LDLRAD4: variants seen among roughly 807,000 people sequenced by gnomAD.
LDLRAD4 encodes the protein low density lipoprotein receptor class A domain containing 4.
LDLRAD4 carries 5 observed loss-of-function variants against 17.0 expected under a neutral mutation model. The ratio of observed to expected loss-of-function variants is 0.29; its 90% CI spans 0.15 to 0.62. The LOEUF is 0.62. Ranked by LOEUF, LDLRAD4 falls within the 20% of genes least tolerant of loss-of-function variation. The pLI, the probability that LDLRAD4 is intolerant of heterozygous loss-of-function variation, is 0.84. For missense variants in LDLRAD4, 340 were observed against 424.7 expected (o/e 0.80, Z 1.75); for synonymous variants, 168 against 171.8 (o/e 0.98, Z 0.17).
intron 1 of LDLRAD4, among the ~76,000 whole-genome samples, chr18:13,267,579 CGCTCAGATCCA>C (rs1181581746): frequency 1.3e-5 from 2 of 152,368 alleles, no homozygotes; most frequent in East Asian, 3.9e-4. Context: ...CGTCAGTTTT[CGCTCAGATCCA>C]GCTCCTGCTG....
intron 3 of LDLRAD4, among the ~76,000 whole-genome samples, chr18:13,576,615 C>T (rs2094777247): frequency 6.6e-6 from 1 of 152,150 alleles, no homozygotes; most frequent in South Asian, 2.1e-4. Flanking sequence ...TGTCCGGGGT[C>T]AGTTCAGTCA....
chr18:13,366,338 C>A (rs561965693), intron 1 of LDLRAD4: 1 of 152,264 alleles, frequency 6.6e-6, no homozygotes, highest in South Asian at 2.1e-4. Context: ...CAGGAAGAGA[C>A]CCTGGTTGCT....
intron 1 of LDLRAD4, among the ~76,000 whole-genome samples, chr18:13,316,229 T>G (rs1303090825): frequency 6.6e-6 from 1 of 152,184 alleles, no homozygotes; most frequent in Non-Finnish European, 1.5e-5. Context: ...GAAATGTAGA[T>G]GGAGCTGGAG....
intron 2 of LDLRAD4, among the ~76,000 whole-genome samples, chr18:13,396,383 G>A (rs1181335624): frequency 6.6e-6 from 1 of 152,228 alleles, no homozygotes; most frequent in Admixed American, 6.5e-5. Flanking sequence ...AGAACACACA[G>A]ACATCCACTC....
rs372766736 is a variant in LDLRAD4 at position 13,529,325 on chromosome 18, G to GAAA, written c.181+90942_181+90944dup. On this transcript the variant is annotated intron_variant, in intron 3 of 5. Transcript: ENST00000359446. ...ATGTATTCCTCCCACATTCCAAAGG[G>GAAA]AAAGGTATTCTCCGAAGATGGCCTT... Among the ~76,000 whole-genome samples, 650 of 152,348 alleles carry GAAA rather than the reference G, an allele frequency of 4.3e-3. 2 individuals carry two copies. Among genetic ancestry groups the GAAA allele is most frequent in the African/African-American group, 0.015 (620 of 41,576 alleles).
At position 13,409,207 on chromosome 18, in the gene LDLRAD4, TTTCATAA is replaced by T. The variant is rs1240837480; in HGVS notation, c.40+21447_40+21453del. On this transcript the variant is annotated intron_variant, in intron 2 of 5. Transcript: ENST00000359446. The stretch of plus-strand genomic sequence containing the variant: ...TTTCACTAGGGAAGTAACTGGCTAG[TTTCATAA>T]TACAGATGAGACCAGGCCTCATGGC... Among the ~76,000 whole-genome samples, 5 of 152,214 alleles carry T rather than the reference TTTCATAA, an allele frequency of 3.3e-5. No homozygotes were observed. In the East Asian group the frequency reaches 9.6e-4, roughly 29 times the overall value.
At chr18:13,499,105 TC>T (rs2093557559) in intron 3 of LDLRAD4, among the ~76,000 whole-genome samples, 3 of 148,286 alleles carry the variant, frequency 2.0e-5, no homozygotes, top group East Asian at 4.0e-4. Flanking sequence ...AGAATCCTTC[TC>T]ACCACACACG....
At chr18:13,408,455 C>CT (rs972927976) in intron 2 of LDLRAD4, among the ~76,000 whole-genome samples, 18 of 149,984 alleles carry the variant, frequency 1.2e-4, no homozygotes, top group African/African-American at 1.2e-4. Flanking sequence ...AGGCACACAG[C>CT]TTTTTTTTTA....
At chr18:13,393,425 G>T (rs2086422585) in intron 2 of LDLRAD4, among the ~76,000 whole-genome samples, 1 of 152,102 alleles carries the variant, frequency 6.6e-6, no homozygotes, top group Non-Finnish European at 1.5e-5. Flanking sequence ...AGAACAGCAG[G>T]CAGGGACAGC....
At chr18:13,434,645 T>TAAC (rs750718778) in intron 2 of LDLRAD4, among the ~76,000 whole-genome samples, 1 of 152,232 alleles carries the variant, frequency 6.6e-6, no homozygotes, top group Non-Finnish European at 1.5e-5. Flanking sequence ...TGTCAAAGTG[T>TAAC]AGTTTAGGGG....
At chr18:13,255,505 A>G (rs767748163) in intron 1 of LDLRAD4, among the ~76,000 whole-genome samples, 1 of 152,210 alleles carries the variant, frequency 6.6e-6, no homozygotes, top group Non-Finnish European at 1.5e-5. Flanking sequence ...GCACATGTGC[A>G]TGCATGTGCA....
At chr18:13,263,994 G>T (rs1201247576) in intron 1 of LDLRAD4, among the ~76,000 whole-genome samples, 4 of 151,498 alleles carry the variant, frequency 2.6e-5, no homozygotes, top group African/African-American at 9.8e-5. Flanking sequence ...AAAAAAAAAA[G>T]AATTTTGGAT....
At chr18:13,606,516 C>T (rs1043301207) in intron 3 of LDLRAD4, among the ~76,000 whole-genome samples, 1 of 152,176 alleles carries the variant, frequency 6.6e-6, no homozygotes, top group Admixed American at 6.5e-5. Context: ...TCCTACCAGA[C>T]GACAGGGCTG....
chr18:13,547,292 AAAATT>A (rs1239055711), intron 3 of LDLRAD4, among the ~76,000 whole-genome samples: 1 of 152,224 alleles, frequency 6.6e-6, no homozygotes, highest in East Asian at 1.9e-4. Flanking sequence ...AACTATTTGA[AAAATT>A]AACTTTCTGC....
intron 3 of LDLRAD4, among the ~76,000 whole-genome samples, chr18:13,493,141 A>G (rs1171169212): frequency 6.6e-6 from 1 of 152,134 alleles, no homozygotes. Context: ...GGATCAAAAC[A>G]CAATCCTTTA....
At chr18:13,491,896 G>A (rs889651215) in intron 3 of LDLRAD4, among the ~76,000 whole-genome samples, 3 of 152,158 alleles carry the variant, frequency 2.0e-5, no homozygotes, top group South Asian at 4.1e-4. Flanking sequence ...GAACACCACC[G>A]GGAGGCTTGC....
chr18:13,332,495 T>C (rs1201528964), intron 1 of LDLRAD4, among the ~76,000 whole-genome samples: 28 of 152,174 alleles, frequency 1.8e-4, no homozygotes, highest in Admixed American at 1.8e-3. Context: ...TAATGATGTG[T>C]TCACCATCAG....
intron 1 of LDLRAD4, among the ~76,000 whole-genome samples, chr18:13,223,461 G>T (rs2041577473): frequency 6.6e-6 from 1 of 152,124 alleles, no homozygotes; most frequent in Non-Finnish European, 1.5e-5. Flanking sequence ...TACACTGCTG[G>T]CCTGGCTGCT....
chr18:13,612,141 C>G, intron 3 of LDLRAD4: 2 of 986,040 alleles, frequency 2.0e-6, no homozygotes, highest in Non-Finnish European at 2.4e-6. Context: ...GTGAGACTTG[C>G]AGATTTCCTC....
Sources: gnomAD v4.1 joint callset for allele counts (sites outside exome capture counted in the v4.1 genomes callset) on GRCh38, gnomAD v4.1.1 for gene constraint, MANE v1.5 for transcripts, NCBI Gene and HGNC (gene_info 2026-07-23, HGNC 2026-07-21) for gene names.